The following FAM107B variants were observed in gnomAD, a reference collection of about 807,000 sequenced individuals.
The protein encoded by FAM107B is family with sequence similarity 107 member B.
A neutral mutation model predicts 31.5 loss-of-function variants in FAM107B; 21 were observed. That is an observed-to-expected ratio of 0.67 (90% CI 0.47 to 0.96). The LOEUF is 0.96. Among genes scored for constraint, FAM107B ranks in the 40% least tolerant of loss-of-function variants. FAM107B has a pLI of 0.00. For missense variants in FAM107B, 452 were observed against 377.1 expected (o/e 1.20, Z -1.64); for synonymous variants, 157 against 141.5 (o/e 1.11, Z -0.78).
chr10:14,672,033 T>C (rs971934206), intron 1 of FAM107B, among the ~76,000 whole-genome samples: 1 of 151,846 alleles, frequency 6.6e-6, no homozygotes, highest in African/African-American at 2.4e-5. Flanking sequence ...CATGCATTGG[T>C]TCTGTACATT....
At chr10:14,522,969 C>CGAAACCCT (rs2130767925) in intron 3 of FAM107B, among the ~76,000 whole-genome samples, 2 of 152,262 alleles carry the variant, frequency 1.3e-5, no homozygotes, top group East Asian at 3.9e-4. Context: ...GCAAGTCGGC[C>CGAAACCCT]TTCAGGGAAG....
At chr10:14,633,492 G>C (rs1485317517) in intron 2 of FAM107B, among the ~76,000 whole-genome samples, 1 of 152,166 alleles carries the variant, frequency 6.6e-6, no homozygotes, top group African/African-American at 2.4e-5. Flanking sequence ...GGAATTTAAT[G>C]ATGGATTAAG....
chr10:14,543,004 T>C (rs1848365132), intron 2 of FAM107B, among the ~76,000 whole-genome samples: 1 of 152,256 alleles, frequency 6.6e-6, no homozygotes, highest in Non-Finnish European at 1.5e-5. Flanking sequence ...AATGGATTTC[T>C]TTAATAACTG....
rs1301385336 is a variant in FAM107B at position 14,518,623 on chromosome 10, A to G, written c.*2567T>C. On this transcript the variant is annotated 3_prime_UTR_variant, in exon 5 of 5. Coordinates refer to ENST00000181796, the MANE Select transcript of FAM107B (RefSeq NM_031453.4). The stretch of plus-strand genomic sequence containing the variant: ...TTTGGTTCTAAGAATTCCACCCTCA[A>G]TTCTTTAATACTTTCCGTTAAAAAC... 1.3e-5 allele frequency: 2 copies of G among 152,678 alleles called. No individual in the cohort carries two copies. The highest frequency in any genetic ancestry group is 4.8e-5 in the African/African-American group (2 of 41,464). 9.5% of individuals were successfully genotyped at this position (152,678 alleles called of 1,614,324 possible). A position where few individuals can be genotyped will look rare whatever the true frequency, so the allele number is the denominator to read the frequency against.
At chr10:14,745,913 A>G (rs1033024719) in intron 1 of FAM107B, among the ~76,000 whole-genome samples, 2 of 152,124 alleles carry the variant, frequency 1.3e-5, no homozygotes, top group African/African-American at 4.8e-5. Context: ...AAAGTGTCCC[A>G]TTATTATTGC....
intron 1 of FAM107B, among the ~76,000 whole-genome samples, chr10:14,768,229 A>G (rs1368159861): frequency 6.6e-6 from 1 of 152,208 alleles, no homozygotes; most frequent in African/African-American, 2.4e-5. Context: ...GCTCAAATAT[A>G]TCTATATATT....
intron 1 of FAM107B, among the ~76,000 whole-genome samples, chr10:14,683,118 C>T (rs548600106): frequency 8.5e-5 from 13 of 152,258 alleles, no homozygotes; most frequent in African/African-American, 3.1e-4. Flanking sequence ...CAGGAATCCA[C>T]GCCATCCGCC....
intron 2 of FAM107B, among the ~76,000 whole-genome samples, chr10:14,626,814 G>A (rs966884513): frequency 2.6e-5 from 4 of 152,082 alleles, no homozygotes; most frequent in East Asian, 1.9e-4. Context: ...AAGAGACTCC[G>A]TGTATCTCAG....
intron 1 of FAM107B, among the ~76,000 whole-genome samples, chr10:14,710,058 C>T (rs1903103): frequency 0.27 from 41,332 of 151,854 alleles, 5,747 homozygotes; most frequent in African/African-American, 0.34. Context: ...AAGAGTGACC[C>T]CAATGTAAAC....
intron 2 of FAM107B, among the ~76,000 whole-genome samples, chr10:14,634,084 A>T (rs1248829123): frequency 1.3e-5 from 2 of 152,164 alleles, no homozygotes; most frequent in Non-Finnish European, 2.9e-5. Context: ...ATTGATTTTT[A>T]AAATGATATG....
At chr10:14,665,631 G>A (rs1185128536) in intron 2 of FAM107B, among the ~76,000 whole-genome samples, 1 of 152,210 alleles carries the variant, frequency 6.6e-6, no homozygotes, top group African/African-American at 2.4e-5. Flanking sequence ...GGGTAAATGT[G>A]CAAAAGTGGT....
intron 2 of FAM107B, among the ~76,000 whole-genome samples, chr10:14,546,274 A>G (rs1025110665): frequency 6.6e-6 from 1 of 152,176 alleles, no homozygotes; most frequent in Admixed American, 6.5e-5. Flanking sequence ...CCAAGATTGG[A>G]GTCTGGTCCA....
intron 1 of FAM107B, chr10:14,723,572 G>C: frequency 1.5e-6 from 1 of 660,044 alleles, no homozygotes; most frequent in Non-Finnish European, 2.8e-6. Flanking sequence ...CTGTTGCATG[G>C]AAAGGCTATG....
intron 2 of FAM107B, among the ~76,000 whole-genome samples, chr10:14,626,648 C>T (rs1450084119): frequency 6.6e-6 from 1 of 152,006 alleles, no homozygotes; most frequent in Non-Finnish European, 1.5e-5. Flanking sequence ...GGACTACAGG[C>T]GCCCGCCACC....
chr10:14,521,455 G>C (rs1034449074), intron 4 of FAM107B, 149 bp from the exon 5 acceptor site: 6 of 682,452 alleles, frequency 8.8e-6, no homozygotes, highest in African/African-American at 5.4e-5. Flanking sequence ...TGGATGGATA[G>C]AGTCTGGGTA....
At chr10:14,607,814 A>C (rs1024968082) in intron 2 of FAM107B, among the ~76,000 whole-genome samples, 2 of 152,322 alleles carry the variant, frequency 1.3e-5, no homozygotes, top group East Asian at 3.9e-4. Flanking sequence ...CACTCCGCTG[A>C]ATGGTTTCTG....
chr10:14,599,696 G>A (rs1852307447), intron 2 of FAM107B, among the ~76,000 whole-genome samples: 1 of 152,102 alleles, frequency 6.6e-6, no homozygotes, highest in African/African-American at 2.4e-5. Context: ...TCTCTGGTCA[G>A]GGAATATAAA....
In FAM107B at chr10:14,699,974, C is replaced by T. The variant is rs11598636; in HGVS notation, c.412-32283G>A. ...TTGAGATGGACTCCCGCTCTGTTGC[C>T]CAGGCTAGAATGCAGTGGCGCAATC... On this transcript the variant is annotated intron_variant, in intron 1 of 4. Coordinates refer to ENST00000181796, the MANE Select transcript of FAM107B (RefSeq NM_031453.4). Among the ~76,000 whole-genome samples the T allele has an allele frequency of 2.6e-3, 391 of 152,092 alleles. 1 individual carries two copies. Among genetic ancestry groups the T allele is most frequent in the Middle Eastern group, 6.8e-3 (2 of 294 alleles).
At chr10:14,634,828 C>A (rs530398099) in intron 2 of FAM107B, among the ~76,000 whole-genome samples, 1 of 152,072 alleles carries the variant, frequency 6.6e-6, no homozygotes, top group Non-Finnish European at 1.5e-5. Context: ...CGGTGTCTCA[C>A]GCCTATAATC....
Sources: gnomAD v4.1 joint callset for allele counts (sites outside exome capture counted in the v4.1 genomes callset) on GRCh38, gnomAD v4.1.1 for gene constraint, MANE v1.5 for transcripts, NCBI Gene and HGNC (gene_info 2026-07-23, HGNC 2026-07-21) for gene names.